Variants in ARMC6 observed in about 807,000 individuals in gnomAD.
ARMC6 encodes armadillo repeat containing 6.
ARMC6 carries 43 observed loss-of-function variants against 49.2 expected under a neutral mutation model. That is an observed-to-expected ratio of 0.87 (90% CI 0.69 to 1.13). The LOEUF is 1.13. Among genes scored for constraint, ARMC6 ranks in the 50% most tolerant of loss-of-function variants. The pLI is 0.00. For missense variants in ARMC6, 627 were observed against 682.0 expected (o/e 0.92, Z 0.90); for synonymous variants, 262 against 289.6 (o/e 0.90, Z 0.97).
intron 4 of ARMC6, among the ~76,000 whole-genome samples, chr19:19,045,211 C>T (rs1172676751): frequency 1.3e-5 from 2 of 152,114 alleles, no homozygotes; most frequent in African/African-American, 4.8e-5. Context: ...CGAAGTTTCA[C>T]TATGTTGGCC....
intron 2 of ARMC6, among the ~76,000 whole-genome samples, chr19:19,035,941 T>G (rs8106146): frequency 0.75 from 113,641 of 152,116 alleles, 42,578 homozygotes; most frequent in East Asian, 0.89. Context: ...AAATGATTGC[T>G]TTCTTTTGAG....
chr19:19,039,640 AAT>A (rs1408349126), intron 2 of ARMC6, among the ~76,000 whole-genome samples: 2 of 152,194 alleles, frequency 1.3e-5, no homozygotes, highest in Non-Finnish European at 2.9e-5. Flanking sequence ...GGAATCGTGC[AAT>A]ATGAGGCTTT....
intron 3 of ARMC6, among the ~76,000 whole-genome samples, chr19:19,043,161 G>A (rs551469453): frequency 3.5e-4 from 53 of 152,336 alleles, no homozygotes; most frequent in African/African-American, 1.3e-3. Context: ...CTGGGAAACA[G>A]GGCCCCTGCC....
intron 2 of ARMC6, chr19:19,040,650 T>G: frequency 3.0e-6 from 1 of 329,062 alleles, no homozygotes; most frequent in East Asian, 1.1e-4. Context: ...AGCACAGAGT[T>G]TGACTTTTTT....
intron 4 of ARMC6, among the ~76,000 whole-genome samples, chr19:19,051,115 A>T (rs1478621095): frequency 6.6e-6 from 1 of 152,192 alleles, no homozygotes; most frequent in Non-Finnish European, 1.5e-5. Flanking sequence ...TGTCTGGTGA[A>T]TGTGGCTTTC....
At chr19:19,036,276 G>C (rs928341527) in intron 2 of ARMC6, among the ~76,000 whole-genome samples, 5 of 152,144 alleles carry the variant, frequency 3.3e-5, no homozygotes, top group African/African-American at 1.2e-4. Flanking sequence ...TGGTCAGGCT[G>C]GTCTCGAATT....
intron 3 of ARMC6, among the ~76,000 whole-genome samples, 167 bp downstream of exon 3, chr19:19,043,044 G>A (rs776240588): frequency 6.6e-6 from 1 of 152,146 alleles, no homozygotes; most frequent in Non-Finnish European, 1.5e-5. Flanking sequence ...TGGTTATCCT[G>A]CTCCCACCTC....
intron 4 of ARMC6, among the ~76,000 whole-genome samples, chr19:19,049,059 A>T (rs796922157): frequency 3.1e-4 from 39 of 124,930 alleles, no homozygotes; most frequent in African/African-American, 1.1e-3. Flanking sequence ...GAGGACTTAG[A>T]TTTTTTTTTT....
At position 19,055,389 on chromosome 19, in the gene ARMC6, G is replaced by A; in HGVS notation, c.1148G>A (p.Ser383Asn). The change falls in exon 7 of 9, where the codon AGC (serine) becomes AAC (asparagine). Residue 383 changes from serine to asparagine, a missense_variant. Physicochemically the swap from Ser to Asn is conservative, Grantham distance 46. Coordinates refer to ENST00000535612, the MANE Select transcript of ARMC6 (RefSeq NM_001199196.2). This position sits in a 1 kb window ranked among gnomAD's most constrained non-coding sequence, Gnocchi z 5.7. ...GCTGCTATGACCCAGCATCTGACCA[G>A]CCCCCAGGTACCCACCTCGGGGGGC... ...IVAAMTQHLT[S>N]PQVCEQSCAA... The A allele has an allele frequency of 6.2e-7, 1 of 1,605,058 alleles. No homozygotes were observed. The highest frequency in any genetic ancestry group is 8.5e-7 in the Non-Finnish European group (1 of 1,175,816).
chr19:19,054,276 A>G lies in ARMC6; in HGVS notation c.978A>G (p.Leu326=), dbSNP rs960339484. The change falls in exon 6 of 9, where the codon CTA becomes CTG. Residue 326 remains leucine (L), a synonymous_variant. Transcript: ENST00000535612. ...GCCTGAGCATTCTGGTGTCCCTGCT[A>G]GCCGACTGCAATGACCACCAGATGA... ...LGGLSILVSL[L]ADCNDHQMRD... 3 of 1,608,982 alleles carry G rather than the reference A, an allele frequency of 1.9e-6. No individual in the cohort carries two copies. Among genetic ancestry groups the G allele is most frequent in the African/African-American group, 1.3e-5 (1 of 74,712 alleles).
At chr19:19,043,239 G>A (rs751997517) in intron 3 of ARMC6, among the ~76,000 whole-genome samples, 9 of 152,262 alleles carry the variant, frequency 5.9e-5, no homozygotes, top group Admixed American at 1.3e-4. Flanking sequence ...CAGGTGGCAT[G>A]TTCAGACCAG....
At chr19:19,046,020 A>G (rs893736954) in intron 4 of ARMC6, among the ~76,000 whole-genome samples, 2 of 152,086 alleles carry the variant, frequency 1.3e-5, no homozygotes, top group African/African-American at 2.4e-5. Context: ...GAGGTATCTG[A>G]GGCTTCCCAA....
chr19:19,047,690 A>G (rs1186885178), intron 4 of ARMC6, among the ~76,000 whole-genome samples: 1 of 152,208 alleles, frequency 6.6e-6, no homozygotes, highest in Non-Finnish European at 1.5e-5. Context: ...AATACTCTAT[A>G]AAATATTTCA....
At chr19:19,056,841 C>T (rs2059549251) in intron 8 of ARMC6, among the ~76,000 whole-genome samples, 1 of 152,224 alleles carries the variant, frequency 6.6e-6, no homozygotes. Context: ...GGCTCTTACT[C>T]TGGGACACTG....
rs776804766 is a variant in ARMC6, at chr19:19,055,811, G to A, written c.1176G>A (p.Ala392=). Residue 392 remains alanine, a synonymous_variant, in exon 8 of 9, where the codon GCG becomes GCA. Transcript: ENST00000535612. The surrounding 1 kb of genome is among the most constrained non-coding windows in gnomAD (Gnocchi z 5.7). ...TSPQVCEQSC[A]ALCFLALRKP... ...TGCAGGTGTGTGAGCAGAGCTGCGCGGCCCTGTGCTTCCTGGCCCTGCGTA... is the reference window on the plus strand; with the variant it reads ...TGCAGGTGTGTGAGCAGAGCTGCGCAGCCCTGTGCTTCCTGGCCCTGCGTA... The A allele has an allele frequency of 4.4e-6, 7 of 1,596,366 alleles. No individual in the cohort carries two copies. Among genetic ancestry groups the A allele is most frequent in the Non-Finnish European group, 6.0e-6 (7 of 1,167,876 alleles).
chr19:19,040,855 C>T, intron 2 of ARMC6: 1 of 352,570 alleles, frequency 2.8e-6, no homozygotes, highest in Non-Finnish European at 5.8e-6. Flanking sequence ...TTTTAATGCT[C>T]ACTTGTCTCA....
Position 19,055,229 on chromosome 19 carries a change from C to G in ARMC6, c.1024-36C>G. ...CAGAGCCCTCTCCCACAACCAGCGGCCTGGCTGGAGGTGAGCGGGCCTTTC... is the reference window on the plus strand; with the variant it reads ...CAGAGCCCTCTCCCACAACCAGCGGGCTGGCTGGAGGTGAGCGGGCCTTTC... On this transcript the variant is annotated intron_variant, in intron 6 of 8. Transcript: ENST00000535612. This position sits in a 1 kb window ranked among gnomAD's most constrained non-coding sequence, Gnocchi z 5.7. The G allele has an allele frequency of 2.6e-6, 4 of 1,541,536 alleles. No individual in the cohort carries two copies. The highest frequency in any genetic ancestry group is 3.5e-6 in the Non-Finnish European group (4 of 1,144,424).
At chr19:19,052,670 C>T (rs1180197116) in intron 5 of ARMC6, among the ~76,000 whole-genome samples, 2 of 152,176 alleles carry the variant, frequency 1.3e-5, no homozygotes, top group Admixed American at 6.5e-5. Flanking sequence ...CAGTGCTGAC[C>T]GTCAGACCCT....
chr19:19,049,382 T>C (rs2059478217), intron 4 of ARMC6, among the ~76,000 whole-genome samples: 1 of 152,128 alleles, frequency 6.6e-6, no homozygotes, highest in Non-Finnish European at 1.5e-5. Context: ...TTACACATCC[T>C]TGCTAACTTA....
Sources: gnomAD v4.1 joint callset for allele counts (sites outside exome capture counted in the v4.1 genomes callset) on GRCh38, gnomAD v4.1.1 for gene constraint, Gnocchi (gnomAD v3.1) non-coding constraint, MANE v1.5 for transcripts, NCBI Gene and HGNC (gene_info 2026-07-23, HGNC 2026-07-21) for gene names.